FBXW12: variants seen among roughly 807,000 people sequenced by gnomAD.
The protein encoded by FBXW12 is F-box/WD repeat-containing protein 12.
FBXW12 carries 43 observed loss-of-function variants against 55.3 expected under a neutral mutation model. The observed-to-expected ratio is 0.78, with a 90% CI of 0.61 to 1.00. The LOEUF is 1.00. Among genes scored for constraint, FBXW12 ranks in the 50% least tolerant of loss-of-function variants. The pLI, the probability that FBXW12 is intolerant of heterozygous loss-of-function variation, is 0.00. For missense variants in FBXW12, 524 were observed against 560.5 expected (o/e 0.93, Z 0.66); for synonymous variants, 184 against 203.8 (o/e 0.90, Z 0.83).
At chr3:48,394,459 T>C in intron 10 of FBXW12, 101 bp from the exon 11 acceptor site, 1 of 698,874 alleles carries the variant, frequency 1.4e-6, no homozygotes, top group Admixed American at 2.8e-5. Context: ...CCAATTAATT[T>C]GGAAAGTATT....
chr3:48,392,224 A>G (rs539709914), intron 10 of FBXW12, among the ~76,000 whole-genome samples: 2 of 152,242 alleles, frequency 1.3e-5, no homozygotes, highest in East Asian at 3.9e-4. Flanking sequence ...AGGCCAAGGC[A>G]GGCGGATCAC....
intron 3 of FBXW12, 56 bp from the exon 4 acceptor site, chr3:48,373,492 T>C (rs1434686551): frequency 2.5e-6 from 4 of 1,604,000 alleles, no homozygotes; most frequent in Admixed American, 3.3e-5. Context: ...TAACCGGGGC[T>C]CTGAGGAGGT....
At chr3:48,380,351 G>C (rs2036748441) in intron 7 of FBXW12, among the ~76,000 whole-genome samples, 2 of 152,100 alleles carry the variant, frequency 1.3e-5, no homozygotes, top group African/African-American at 4.8e-5. Context: ...AAAGAGGGAG[G>C]AGTTCAGAAG....
At chr3:48,387,729 A>AATTT (rs1217954427) in intron 10 of FBXW12, among the ~76,000 whole-genome samples, 2 of 151,950 alleles carry the variant, frequency 1.3e-5, no homozygotes, top group Admixed American at 6.6e-5. Context: ...TTAATTAATT[A>AATTT]ATTTATTTAT....
At position 48,372,248 on chromosome 3, in the gene FBXW12, C is replaced by A. The variant is rs1465315980; in HGVS notation, c.-157C>A. 2 of 1,551,272 alleles carry A rather than the reference C, an allele frequency of 1.3e-6. No homozygotes were observed. Among genetic ancestry groups the A allele is most frequent in the Non-Finnish European group, 1.7e-6 (2 of 1,146,510 alleles). Reference sequence around the variant, plus strand: ...TTCTCCTCCACTGCAAAGTTAAATGCGAGAAGGTAGAAACCCAGAGGCCAT... The same window carrying A: ...TTCTCCTCCACTGCAAAGTTAAATGAGAGAAGGTAGAAACCCAGAGGCCAT... On this transcript the variant is annotated 5_prime_UTR_variant, in exon 1 of 11. Coordinates refer to ENST00000296438, the MANE Select transcript of FBXW12 (RefSeq NM_207102.2).
chr3:48,380,216 T>C (rs1026607983), intron 7 of FBXW12: 1 of 152,936 alleles, frequency 6.5e-6, no homozygotes, highest in Non-Finnish European at 1.5e-5. Context: ...TTTATCTATG[T>C]TGGCTGCAAA....
At chr3:48,378,611 C>A in intron 6 of FBXW12, 85 bp downstream of exon 6, 1 of 946,882 alleles carries the variant, frequency 1.1e-6, no homozygotes, top group Non-Finnish European at 1.5e-6. Context: ...ACTGTCCTAT[C>A]CCTTTTTTTT....
chr3:48,387,218 G>A (rs983919041), intron 10 of FBXW12, among the ~76,000 whole-genome samples: 5 of 152,070 alleles, frequency 3.3e-5, no homozygotes, highest in African/African-American at 1.2e-4. Context: ...TGAATTTCCA[G>A]CAATCAGTCA....
intron 10 of FBXW12, among the ~76,000 whole-genome samples, chr3:48,384,436 T>C (rs1268329324): frequency 6.6e-6 from 1 of 152,194 alleles, no homozygotes; most frequent in African/African-American, 2.4e-5. Flanking sequence ...TATTCATAGA[T>C]TGGTAGATAC....
At chr3:48,373,188 C>A in intron 2 of FBXW12, 120 bp from the exon 3 acceptor site, 4 of 1,467,500 alleles carry the variant, frequency 2.7e-6, no homozygotes, top group African/African-American at 1.4e-5. Flanking sequence ...GCTTTGAGAG[C>A]TGGAATCCCA....
At chr3:48,392,268 C>T (rs144245943) in intron 10 of FBXW12, among the ~76,000 whole-genome samples, 7 of 152,044 alleles carry the variant, frequency 4.6e-5, no homozygotes, top group Admixed American at 1.3e-4. Context: ...CTGGCTAACA[C>T]GGTGAAACCC....
chr3:48,375,192 G>A (rs568429729), intron 4 of FBXW12, among the ~76,000 whole-genome samples, 162 bp from the exon 5 acceptor site: 2 of 152,338 alleles, frequency 1.3e-5, no homozygotes, highest in South Asian at 2.1e-4. Flanking sequence ...CCAGTCTGCC[G>A]TGGGAACCTG....
chr3:48,379,084 G>A lies in FBXW12; in HGVS notation c.616-316G>A, dbSNP rs980331061. Among the ~76,000 whole-genome samples the A allele has an allele frequency of 2.6e-5, 4 of 152,200 alleles. No individual in the cohort carries two copies. In the South Asian group the frequency reaches 6.2e-4, roughly 24 times the overall value. ...TTATATGTGCCTTTTCTTTCAAGTG[G>A]TGTTATTGTCCAGTCCATGAACTTG... On this transcript the variant is annotated intron_variant, in intron 6 of 10. Transcript: ENST00000296438.
At chr3:48,381,022 GT>G (rs11378351) in intron 8 of FBXW12, 110 bp downstream of exon 8, 52,316 of 562,994 alleles carry the variant, frequency 0.093, 15 homozygotes, top group Non-Finnish European at 0.11. Flanking sequence ...GGGATTTCTA[GT>G]TTTTTTTTTT....
At chr3:48,377,161 TG>T (rs1251623193) in intron 5 of FBXW12, among the ~76,000 whole-genome samples, 1 of 152,170 alleles carries the variant, frequency 6.6e-6, no homozygotes, top group Non-Finnish European at 1.5e-5. Flanking sequence ...CTGGAGGCTG[TG>T]GGGCAGACTA....
intron 5 of FBXW12, among the ~76,000 whole-genome samples, chr3:48,377,856 C>G (rs2036707039): frequency 6.6e-6 from 1 of 152,128 alleles, no homozygotes; most frequent in South Asian, 2.1e-4. Context: ...GCTAAAGAAT[C>G]ATCTAGAAAG....
At chr3:48,375,966 C>T (rs888688101) in intron 5 of FBXW12, among the ~76,000 whole-genome samples, 14 of 138,562 alleles carry the variant, frequency 1.0e-4, no homozygotes, top group Non-Finnish European at 2.0e-4. Flanking sequence ...TGAGCCACTG[C>T]GCCCGGCCTT....
chr3:48,379,641 G>A (rs2036737263), intron 7 of FBXW12, 83 bp downstream of exon 7: 1 of 1,181,502 alleles, frequency 8.5e-7, no homozygotes, highest in Non-Finnish European at 1.2e-6. Flanking sequence ...AGCTCAGTGA[G>A]GACCAGGCAC....
At chr3:48,384,507 A>G (rs2036818405) in intron 10 of FBXW12, among the ~76,000 whole-genome samples, 1 of 152,156 alleles carries the variant, frequency 6.6e-6, no homozygotes, top group Admixed American at 6.5e-5. Flanking sequence ...TTCTTTTCAA[A>G]TGTATGCCTT....
Sources: gnomAD v4.1 joint callset for allele counts (sites outside exome capture counted in the v4.1 genomes callset) on GRCh38, gnomAD v4.1.1 for gene constraint, MANE v1.5 for transcripts, NCBI Gene and HGNC (gene_info 2026-07-23, HGNC 2026-07-21) for gene names.